FAT3: variants seen among roughly 807,000 people sequenced by gnomAD.
The protein encoded by FAT3 is FAT atypical cadherin 3.
In FAT3, 95 loss-of-function variants were observed where a neutral mutation model predicts 310.2. That is an observed-to-expected ratio of 0.31 (90% CI 0.26 to 0.36). The LOEUF (loss-of-function observed/expected upper bound fraction) is 0.36, where lower values mean the gene tolerates loss of function less well. FAT3 is among the 10% of genes least tolerant of loss of function. The pLI, the probability that FAT3 is intolerant of heterozygous loss-of-function variation, is 1.00. For missense variants in FAT3, 5,408 were observed against 5,715.6 expected (o/e 0.95, Z 1.74); for synonymous variants, 2,314 against 2,192.9 (o/e 1.06, Z -1.54).
At chr11:92,748,116 T>C (rs1945726320) in intron 4 of FAT3, among the ~76,000 whole-genome samples, 1 of 152,194 alleles carries the variant, frequency 6.6e-6, no homozygotes, top group Admixed American at 6.5e-5. Context: ...GGGTAATTTA[T>C]AAAGGAAAGA....
rs1176802082 is a variant in FAT3, at chr11:92,368,847, TAC to T, written c.3292+13449_3292+13450del. ...TTGTGTGTATACATATATATATATA[TAC>T]ACACATACACATATATATATACACA... On this transcript the variant is annotated intron_variant, in intron 2 of 27. Transcript: ENST00000525166. Among the ~76,000 whole-genome samples the T allele has an allele frequency of 6.9e-4, 92 of 133,538 alleles. 1 individual carries two copies. Among genetic ancestry groups the T allele is most frequent in the African/African-American group, 3.0e-3 (89 of 29,920 alleles). The allele number at this position is 133,538 out of a possible 152,430, so 87.6% of individuals were successfully genotyped here. A position where few individuals can be genotyped will look rare whatever the true frequency, so the allele number is the denominator to read the frequency against.
chr11:92,269,507 C>A (rs997090644), intron 1 of FAT3, among the ~76,000 whole-genome samples: 5 of 152,120 alleles, frequency 3.3e-5, no homozygotes, highest in Admixed American at 2.6e-4. Context: ...ACAAGCAGAA[C>A]TTTTTTGCTT....
chr11:92,554,736 G>A (rs1180725892), intron 3 of FAT3, among the ~76,000 whole-genome samples: 1 of 152,048 alleles, frequency 6.6e-6, no homozygotes, highest in East Asian at 1.9e-4. Flanking sequence ...ATACATGCTG[G>A]TTACAGGCAA....
chr11:92,612,390 G>C (rs536964960), intron 3 of FAT3, among the ~76,000 whole-genome samples: 12 of 152,326 alleles, frequency 7.9e-5, no homozygotes, highest in Admixed American at 5.2e-4. Flanking sequence ...AAGAATAAGA[G>C]AATGTTGGAG....
chr11:92,628,895 T>TGCACACACACACACTC (rs1941439407), intron 3 of FAT3, among the ~76,000 whole-genome samples: 1 of 152,174 alleles, frequency 6.6e-6, no homozygotes, highest in Non-Finnish European at 1.5e-5. Context: ...CGTGCACTCA[T>TGCACACACACACACTC]GCACACACAC....
intron 1 of FAT3, among the ~76,000 whole-genome samples, chr11:92,343,321 G>A (rs934020109): frequency 1.6e-5 from 2 of 121,334 alleles, no homozygotes; most frequent in African/African-American, 1.2e-4. Flanking sequence ...CTTTGGTTAG[G>A]GATTTTTTTT....
At position 92,353,455 on chromosome 11, in the gene FAT3, C is replaced by G; in HGVS notation, c.1343C>G (p.Thr448Arg). The change falls in exon 2 of 28, where the codon ACA becomes AGA. Residue 448 changes from threonine (T) to arginine (R), a missense_variant. Thr to Arg is a moderately conservative substitution (Grantham distance 71). Around this residue, in one of 5 missense-constraint regions of FAT3, gnomAD observed 4,588 missense variants for 4,809.8 expected, o/e 0.95. Transcript: ENST00000525166. ...AAGGAGGTTTATAAACTGGAGGTGA[C>G]AAACAAGGAAGGAGATTTAAAAGCA... is the stretch of plus-strand genomic sequence containing the variant. ...VKKEVYKLEVTNKEGDLKAQV... is the reference protein window; with the variant it reads ...VKKEVYKLEVRNKEGDLKAQV... The G allele has an allele frequency of 1.9e-6, 3 of 1,613,496 alleles. No homozygotes were observed. Among genetic ancestry groups the G allele is most frequent in the Non-Finnish European group, 2.5e-6 (3 of 1,179,760 alleles).
rs984074030 is a variant in FAT3, at chr11:92,560,847, A to G, written c.3607+35899A>G. ...TCAGATATTTCAGCTTCTGTGTTTT[A>G]TCTGATCCTATACTTCTTTTCTGTT... On this transcript the variant is annotated intron_variant, in intron 3 of 27. Transcript: ENST00000525166. Among the ~76,000 whole-genome samples, 4 of 152,116 alleles carry G rather than the reference A, an allele frequency of 2.6e-5. 1 individual carries two copies. Among genetic ancestry groups the G allele is most frequent in the South Asian group, 2.1e-4 (1 of 4,836 alleles).
chr11:92,459,897 A>G (rs1276703421), intron 2 of FAT3, among the ~76,000 whole-genome samples: 1 of 152,082 alleles, frequency 6.6e-6, no homozygotes, highest in Non-Finnish European at 1.5e-5. Flanking sequence ...TGCCTTATAT[A>G]CATTCCTGGA....
chr11:92,552,820 C>T (rs1954868819), intron 3 of FAT3, among the ~76,000 whole-genome samples: 1 of 151,644 alleles, frequency 6.6e-6, no homozygotes, highest in African/African-American at 2.4e-5. Context: ...CATGATGGCA[C>T]GTGCCTGTAA....
intron 27 of FAT3, among the ~76,000 whole-genome samples, 181 bp from the exon 28 acceptor site, chr11:92,890,310 G>A (rs1354640692): frequency 6.6e-6 from 1 of 152,224 alleles, no homozygotes; most frequent in Non-Finnish European, 1.5e-5. Flanking sequence ...ACCTGTCAGA[G>A]TTGCCATCAC....
chr11:92,874,984 A>G (rs1436874009), intron 22 of FAT3, among the ~76,000 whole-genome samples: 1 of 152,182 alleles, frequency 6.6e-6, no homozygotes, highest in African/African-American at 2.4e-5. Context: ...GCATTAGATT[A>G]CTTAGTATCA....
intron 4 of FAT3, among the ~76,000 whole-genome samples, chr11:92,716,735 A>C (rs1390168611): frequency 1.3e-5 from 2 of 152,206 alleles, no homozygotes; most frequent in East Asian, 1.9e-4. Flanking sequence ...TGATGAATAC[A>C]TCATCCCAGC....
At chr11:92,488,149 C>T (rs1469891242) in intron 2 of FAT3, among the ~76,000 whole-genome samples, 1 of 152,168 alleles carries the variant, frequency 6.6e-6, no homozygotes, top group Non-Finnish European at 1.5e-5. Flanking sequence ...CAAGGACCTG[C>T]AGGGCAGCCT....
At chr11:92,497,785 G>A (rs1234042184) in intron 2 of FAT3, among the ~76,000 whole-genome samples, 1 of 152,036 alleles carries the variant, frequency 6.6e-6, no homozygotes, top group Non-Finnish European at 1.5e-5. Flanking sequence ...GCTTTTCTAA[G>A]TCTCTTCTCT....
At chr11:92,858,530 CAT>C (rs1565655658) in intron 20 of FAT3, among the ~76,000 whole-genome samples, 1 of 152,068 alleles carries the variant, frequency 6.6e-6, no homozygotes, top group Non-Finnish European at 1.5e-5. Flanking sequence ...CTTGTTAAAA[CAT>C]AAAGTTGAAG....
chr11:92,463,812 G>T (rs952883533), intron 2 of FAT3, among the ~76,000 whole-genome samples: 1 of 152,152 alleles, frequency 6.6e-6, no homozygotes, highest in Admixed American at 6.6e-5. Context: ...AGTTAGAAAA[G>T]CCTGAGCTTG....
At chr11:92,259,987 A>G (rs1042819213) in intron 1 of FAT3, among the ~76,000 whole-genome samples, 1 of 152,138 alleles carries the variant, frequency 6.6e-6, no homozygotes, top group African/African-American at 2.4e-5. Context: ...AGTTTTACTT[A>G]CCAGGGAGAG....
intron 3 of FAT3, among the ~76,000 whole-genome samples, chr11:92,669,693 TAAG>T: frequency 6.6e-6 from 1 of 152,316 alleles, no homozygotes; most frequent in Admixed American, 6.5e-5. Flanking sequence ...TAACAGTGGT[TAAG>T]AACATGTGCT....
Sources: allele counts gnomAD v4.1 joint callset (sites outside exome capture counted in the v4.1 genomes callset), GRCh38; gene constraint gnomAD v4.1.1; regional missense constraint gnomAD v4.1.1; transcripts MANE v1.5; gene names NCBI Gene and HGNC (gene_info 2026-07-23, HGNC 2026-07-21).